MAP2K5: variants seen among roughly 807,000 people sequenced by gnomAD.
MAP2K5 encodes dual specificity mitogen-activated protein kinase kinase 5.
MAP2K5 carries 49 observed loss-of-function variants against 83.1 expected under a neutral mutation model. The observed-to-expected ratio is 0.59, with a 90% CI of 0.47 to 0.75. The LOEUF (loss-of-function observed/expected upper bound fraction) is 0.75, where lower values mean the gene tolerates loss of function less well. MAP2K5 is among the 30% of genes least tolerant of loss of function. MAP2K5 has a pLI of 0.00. For missense variants in MAP2K5, 457 were observed against 557.5 expected (o/e 0.82, Z 1.82); for synonymous variants, 202 against 191.8 (o/e 1.05, Z -0.44).
chr15:67,716,588 A>AT lies in MAP2K5; in HGVS notation c.1045-11320dup, dbSNP rs533582627. Among the ~76,000 whole-genome samples the AT allele has an allele frequency of 1.3e-3, 203 of 152,118 alleles. 2 individuals carry two copies. The highest frequency in any genetic ancestry group is 4.8e-3 in the African/African-American group (200 of 41,496). On this transcript the variant is annotated intron_variant, in intron 16 of 21. Coordinates refer to ENST00000178640, the MANE Select transcript of MAP2K5 (RefSeq NM_145160.3). ...CCTTATGTTGTATTTAGAAACTAGA[A>AT]TTTTTTTTAACCTAAAGGGAGACTT...
rs1276255425 is a variant in MAP2K5 at position 67,644,305 on chromosome 15, A to C, written c.586-1926A>C. Among the ~76,000 whole-genome samples, 1 of 152,060 alleles carries C rather than the reference A, an allele frequency of 6.6e-6. No individual in the cohort carries two copies. The highest frequency in any genetic ancestry group is 2.4e-5 in the African/African-American group (1 of 41,392). ...GCTACTTGGGAGGCTGAGGCAGGAG[A>C]ATGGCTTGAACCCGGGAGGCGGAGG... On this transcript the variant is annotated intron_variant, in intron 9 of 21. Coordinates refer to ENST00000178640, the MANE Select transcript of MAP2K5 (RefSeq NM_145160.3). The surrounding 1 kb of genome is among the most constrained non-coding windows in gnomAD (Gnocchi z 4.6).
intron 13 of MAP2K5, among the ~76,000 whole-genome samples, chr15:67,675,477 G>C (rs761704816): frequency 6.6e-6 from 1 of 152,206 alleles, no homozygotes; most frequent in East Asian, 1.9e-4. Context: ...AATGGAGCAA[G>C]ATGAGGAATC....
chr15:67,626,571 C>T (rs1384725499), intron 8 of MAP2K5, among the ~76,000 whole-genome samples: 3 of 151,986 alleles, frequency 2.0e-5, no homozygotes, highest in African/African-American at 7.3e-5. Context: ...GATAGGGTTC[C>T]ACTTATAAAA....
intron 16 of MAP2K5, among the ~76,000 whole-genome samples, chr15:67,707,236 G>T (rs1280410130): frequency 6.6e-6 from 1 of 152,102 alleles, no homozygotes; most frequent in African/African-American, 2.4e-5. Context: ...TTTCTTAAGG[G>T]TCAATATAAT....
intron 12 of MAP2K5, among the ~76,000 whole-genome samples, chr15:67,661,409 G>C (rs1450415634): frequency 6.6e-6 from 1 of 152,088 alleles, no homozygotes; most frequent in Non-Finnish European, 1.5e-5. Flanking sequence ...GTCAAGGAGC[G>C]AGTGATTGAC....
chr15:67,682,310 G>C (rs769502359), intron 13 of MAP2K5, among the ~76,000 whole-genome samples: 3 of 151,532 alleles, frequency 2.0e-5, no homozygotes, highest in Non-Finnish European at 2.9e-5. Flanking sequence ...TCCGCCTCCT[G>C]GGTTCAAGCG....
intron 8 of MAP2K5, among the ~76,000 whole-genome samples, chr15:67,626,609 A>C (rs575431350): frequency 9.2e-5 from 14 of 152,132 alleles, no homozygotes; most frequent in Admixed American, 3.9e-4. Flanking sequence ...AAAGTATAAA[A>C]AATTATTTTG....
chr15:67,790,939 C>T lies in MAP2K5; in HGVS notation c.1243-15707C>T, dbSNP rs936942689. 7.9e-5 allele frequency among the ~76,000 whole-genome samples: 12 copies of T among 152,074 alleles called. No homozygotes were observed. The highest frequency in any genetic ancestry group is 2.4e-4 in the African/African-American group (10 of 41,396). On this transcript the variant is annotated intron_variant, in intron 21 of 21. Transcript: ENST00000178640. This position sits in a 1 kb window ranked among gnomAD's most constrained non-coding sequence, Gnocchi z 4.6. Reference sequence around the variant, plus strand: ...GCTGTTCTCCATATTTTACAGAAGACGAGTCAGAGCTAGGGGGAATAAGCT... The same window carrying T: ...GCTGTTCTCCATATTTTACAGAAGATGAGTCAGAGCTAGGGGGAATAAGCT...
At chr15:67,554,274 G>A (rs1021686212) in intron 2 of MAP2K5, among the ~76,000 whole-genome samples, 10 of 152,214 alleles carry the variant, frequency 6.6e-5, no homozygotes, top group Middle Eastern at 3.4e-3. Flanking sequence ...GCCCAACCTG[G>A]TCTTGAACTC....
rs1197573375 is a variant in MAP2K5, at chr15:67,807,044, T to C, written c.*294T>C. On this transcript the variant is annotated 3_prime_UTR_variant, in exon 22 of 22. Transcript: ENST00000178640. This position sits in a 1 kb window ranked among gnomAD's most constrained non-coding sequence, Gnocchi z 5.1. The stretch of plus-strand genomic sequence containing the variant: ...TCCCTGCCCACTTCTGTTTTCCTAA[T>C]GTTTTTCTCTATAAAGGGTCAGGCC... 3 of 1,187,918 alleles carry C rather than the reference T, an allele frequency of 2.5e-6. No homozygotes were observed. Among genetic ancestry groups the C allele is most frequent in the South Asian group, 1.6e-5 (1 of 63,900 alleles). 73.6% of individuals were successfully genotyped at this position (1,187,918 alleles called of 1,614,324 possible). A position where few individuals can be genotyped will look rare whatever the true frequency, so the allele number is the denominator to read the frequency against.
intron 9 of MAP2K5, among the ~76,000 whole-genome samples, chr15:67,634,407 A>AAAAAAAAAAAAAAAAAAAAAAAAAAAC (rs1467605447): frequency 7.4e-6 from 1 of 135,280 alleles, no homozygotes; most frequent in Non-Finnish European, 1.6e-5. Context: ...AAAAAAAAAA[A>AAAAAAAAAAAAAAAAAAAAAAAAAAAC]AAGAATGTAT....
In MAP2K5 at chr15:67,758,076, G is replaced by T. The variant is rs964674801; in HGVS notation, c.1134+9475G>T. 6.6e-6 allele frequency among the ~76,000 whole-genome samples: 1 copy of T among 152,174 alleles called. No homozygotes were observed. The highest frequency in any genetic ancestry group is 1.5e-5 in the Non-Finnish European group (1 of 68,032). ...CCCATGCTTAGAGGTATTTGTAGGG[G>T]AGGGAGGATGGGGAGACTGAAAGAG... On this transcript the variant is annotated intron_variant, in intron 19 of 21. Transcript: ENST00000178640. The surrounding 1 kb of genome is among the most constrained non-coding windows in gnomAD (Gnocchi z 4.7).
rs2090323194 is a variant in MAP2K5, at chr15:67,781,230, GATAA to G, written c.1242+8482_1242+8485del. On this transcript the variant is annotated intron_variant, in intron 21 of 21. Coordinates refer to ENST00000178640, the MANE Select transcript of MAP2K5 (RefSeq NM_145160.3). This position sits in a 1 kb window ranked among gnomAD's most constrained non-coding sequence, Gnocchi z 4.0. ...AGTTGTTTTCCTGTGAGTACACACC[GATAA>G]ATAGATGCAGTTCTTATCAATTATT... 6.6e-6 allele frequency among the ~76,000 whole-genome samples: 1 copy of G among 152,212 alleles called. No individual in the cohort carries two copies. Among genetic ancestry groups the G allele is most frequent in the Non-Finnish European group, 1.5e-5 (1 of 68,028 alleles).
chr15:67,711,173 T>C (rs964283994), intron 16 of MAP2K5, among the ~76,000 whole-genome samples: 4 of 152,270 alleles, frequency 2.6e-5, no homozygotes, highest in African/African-American at 9.6e-5. Context: ...ATTGCCCTAG[T>C]GGGCACTCAG....
chr15:67,587,335 A>G lies in MAP2K5; in HGVS notation c.431+422A>G, dbSNP rs1230857167. The stretch of plus-strand genomic sequence containing the variant: ...CAGGACTTATCATGCGGGGCCTCGT[A>G]GGCCCTGTAATGTTTGAATTTTCCT... On this transcript the variant is annotated intron_variant, in intron 6 of 21. Transcript: ENST00000178640. This position sits in a 1 kb window ranked among gnomAD's most constrained non-coding sequence, Gnocchi z 4.8. 6.6e-6 allele frequency among the ~76,000 whole-genome samples: 1 copy of G among 152,130 alleles called. No homozygotes were observed. Among genetic ancestry groups the G allele is most frequent in the Non-Finnish European group, 1.5e-5 (1 of 68,014 alleles).
In MAP2K5 at chr15:67,552,603, T is replaced by G. The variant is rs1443921899; in HGVS notation, c.184+2521T>G. 1.3e-5 allele frequency among the ~76,000 whole-genome samples: 2 copies of G among 151,992 alleles called. No individual in the cohort carries two copies. Among genetic ancestry groups the G allele is most frequent in the African/African-American group, 4.8e-5 (2 of 41,372 alleles). On this transcript the variant is annotated intron_variant, in intron 2 of 21. Transcript: ENST00000178640. This position sits in a 1 kb window ranked among gnomAD's most constrained non-coding sequence, Gnocchi z 4.2. ...GCACCCACCTCCACACCTAGCTAAT[T>G]AAAAAAATTTTTTTGTAGAAACGGG...
At chr15:67,544,609 A>G (rs182120787) in intron 1 of MAP2K5, among the ~76,000 whole-genome samples, 1 of 152,298 alleles carries the variant, frequency 6.6e-6, no homozygotes, top group Non-Finnish European at 1.5e-5. Flanking sequence ...TTCATTTGAG[A>G]TAGACAGGGT....
intron 11 of MAP2K5, among the ~76,000 whole-genome samples, chr15:67,648,195 GAA>G (rs1309513364): frequency 6.6e-6 from 1 of 152,036 alleles, no homozygotes; most frequent in Non-Finnish European, 1.5e-5. Flanking sequence ...ACCACCCCCA[GAA>G]AGAGACTTCC....
At chr15:67,686,590 G>A (rs919993214) in intron 13 of MAP2K5, among the ~76,000 whole-genome samples, 8 of 150,174 alleles carry the variant, frequency 5.3e-5, no homozygotes, top group African/African-American at 2.0e-4. Context: ...GCAACAGAGT[G>A]AGACTGTGTC....
Sources: gnomAD v4.1 joint callset for allele counts (sites outside exome capture counted in the v4.1 genomes callset) on GRCh38, gnomAD v4.1.1 for gene constraint, Gnocchi (gnomAD v3.1) non-coding constraint, MANE v1.5 for transcripts, NCBI Gene and HGNC (gene_info 2026-07-23, HGNC 2026-07-21) for gene names.